BCR: variants seen among roughly 807,000 people sequenced by gnomAD.
BCR encodes BCR activator of RhoGEF and GTPase.
A neutral mutation model predicts 138.6 loss-of-function variants in BCR; 58 were observed. The ratio of observed to expected loss-of-function variants is 0.42; its 90% CI spans 0.34 to 0.52. BCR has a LOEUF of 0.52. Ranked by LOEUF, BCR falls within the 20% of genes least tolerant of loss-of-function variation. The pLI, the probability that BCR is intolerant of heterozygous loss-of-function variation, is 0.06. For synonymous variants in BCR, 786 were observed against 730.1 expected (o/e 1.08, Z -1.23); for missense variants, 1,599 against 1,727.2 (o/e 0.93, Z 1.32).
intron 16 of BCR, chr22:23,307,777 C>T (rs2073965990): frequency 7.0e-6 from 1 of 143,816 alleles, no homozygotes; most frequent in South Asian, 2.1e-4. Context: ...GAGAAGGGGT[C>T]AACCCCCAGG....
chr22:23,314,401 T>C, intron 21 of BCR, 151 bp from the exon 22 acceptor site: 2 of 950,508 alleles, frequency 2.1e-6, no homozygotes, highest in Non-Finnish European at 3.3e-6. Context: ...CCTGGGCCAC[T>C]GAGACCCAGA....
chr22:23,307,204 C>T lies in BCR; in HGVS notation c.3013-2220C>T, dbSNP rs143426101. Reference sequence around the variant, plus strand: ...TCCACCTTCTAGCCTCAAGTGTTGCCCCCACCTCAGCCTCCCGAGCAGTTG... The same window carrying T: ...TCCACCTTCTAGCCTCAAGTGTTGCTCCCACCTCAGCCTCCCGAGCAGTTG... On this transcript the variant is annotated intron_variant, in intron 16 of 22. Transcript: ENST00000305877. Among the ~76,000 whole-genome samples the T allele has an allele frequency of 5.4e-3, 822 of 152,262 alleles. 7 individuals are homozygous for T. The highest frequency in any genetic ancestry group is 0.019 in the African/African-American group (782 of 41,532).
chr22:23,184,347 T>A (rs2072311238), intron 1 of BCR, among the ~76,000 whole-genome samples: 1 of 152,150 alleles, frequency 6.6e-6, no homozygotes, highest in South Asian at 2.1e-4. Flanking sequence ...AGCTTCAGCC[T>A]CCTGAGTAGC....
chr22:23,198,584 G>C (rs765041702), intron 1 of BCR, among the ~76,000 whole-genome samples: 2 of 152,156 alleles, frequency 1.3e-5, no homozygotes, highest in Non-Finnish European at 2.9e-5. Context: ...TGGCTGTGGC[G>C]GCTGTTCCCT....
chr22:23,223,890 C>T (rs926463832), intron 1 of BCR, among the ~76,000 whole-genome samples: 3 of 152,184 alleles, frequency 2.0e-5, no homozygotes, highest in South Asian at 2.1e-4. Flanking sequence ...TGATTCCTGG[C>T]CAAAGCCCTG....
intron 17 of BCR, chr22:23,310,071 G>C (rs2073990778): frequency 2.0e-6 from 1 of 489,550 alleles, no homozygotes; most frequent in Admixed American, 3.3e-5. Context: ...CTAAAAAAAA[G>C]CAAGCAAGCA....
At chr22:23,262,066 T>C (rs1213743143) in intron 4 of BCR, 1 of 152,684 alleles carries the variant, frequency 6.5e-6, no homozygotes, top group Non-Finnish European at 1.5e-5. Flanking sequence ...ACACCCTGTG[T>C]GTGGCTGGGA....
rs58577462 is a variant in BCR, at chr22:23,202,721, T to TTGTGTGTGTGTGTGTGTGTG, written c.1279+20490_1279+20509dup. On this transcript the variant is annotated intron_variant, in intron 1 of 22. Coordinates refer to ENST00000305877, the MANE Select transcript of BCR (RefSeq NM_004327.4). Reference sequence around the variant, plus strand: ...TAAGCTTGAGTAATAATTCAATTGTTTGTGTGTGTGTGTGTGTGTGTGTGT... The same window carrying TTGTGTGTGTGTGTGTGTGTG: ...TAAGCTTGAGTAATAATTCAATTGTTTGTGTGTGTGTGTGTGTGTGTGTGTGTGTGTGTGTGTGTGTGTGT... Among the ~76,000 whole-genome samples the TTGTGTGTGTGTGTGTGTGTG allele has an allele frequency of 4.9e-5, 7 of 142,864 alleles. No individual in the cohort carries two copies. The East Asian group carries it at 1.1e-3, about 22-fold the overall frequency. 93.7% of individuals were successfully genotyped at this position (142,864 alleles called of 152,430 possible).
At chr22:23,226,969 G>A (rs2072901761) in intron 1 of BCR, among the ~76,000 whole-genome samples, 1 of 152,202 alleles carries the variant, frequency 6.6e-6, no homozygotes, top group Admixed American at 6.5e-5. Context: ...CCAGGATCGA[G>A]CATTTGCCAT....
chr22:23,212,209 G>A (rs1222909849), intron 1 of BCR, among the ~76,000 whole-genome samples: 1 of 152,160 alleles, frequency 6.6e-6, no homozygotes, highest in Non-Finnish European at 1.5e-5. Context: ...AGAAGCCATC[G>A]AGCCACATGG....
At chr22:23,232,293 C>T (rs1051909103) in intron 1 of BCR, among the ~76,000 whole-genome samples, 4 of 152,366 alleles carry the variant, frequency 2.6e-5, no homozygotes, top group South Asian at 2.1e-4. Flanking sequence ...CAGCCGAATC[C>T]ACTTTTTATT....
chr22:23,185,946 G>T (rs1019517171), intron 1 of BCR, among the ~76,000 whole-genome samples: 2 of 152,092 alleles, frequency 1.3e-5, no homozygotes, highest in African/African-American at 4.8e-5. Context: ...AGCCAGTATG[G>T]CCTCGATCTT....
At chr22:23,205,407 G>C (rs9624056) in intron 1 of BCR, among the ~76,000 whole-genome samples, 19,095 of 152,174 alleles carry the variant, frequency 0.13, 1,318 homozygotes, top group East Asian at 0.25. Context: ...CGGATCTGCC[G>C]GTGTTCCCTC....
chr22:23,185,719 C>G (rs73152620), intron 1 of BCR, among the ~76,000 whole-genome samples: 33,839 of 147,750 alleles, frequency 0.23, 4,236 homozygotes, highest in East Asian at 0.35. Context: ...GTGGTTCTCT[C>G]TGTTTTTTTT....
chr22:23,289,752 C>G (rs1241244601), intron 13 of BCR, 131 bp downstream of exon 13: 2 of 780,258 alleles, frequency 2.6e-6, no homozygotes, highest in Non-Finnish European at 4.3e-6. Flanking sequence ...AAGAGCTATG[C>G]TTGTTAGGGC....
Position 23,181,219 on chromosome 22 carries a change from G to T in BCR, c.259G>T (p.Ala87Ser), listed in dbSNP as rs2072250489. The change falls in exon 1 of 23, where the codon GCC (alanine) becomes TCC (serine). Residue 87 changes from alanine (A) to serine (S), a missense_variant. Coordinates refer to ENST00000305877, the MANE Select transcript of BCR (RefSeq NM_004327.4). ...GCGCGCGGCGCAGGCCCCCGACGGC[G>T]CCTCCGAGCCCCGAGCGTCCGCGTC... is the stretch of plus-strand genomic sequence containing the variant. ...FRRAAQAPDG[A>S]SEPRASASRP... 8.0e-7 allele frequency: 1 copy of T among 1,250,892 alleles called. No individual in the cohort carries two copies. Among genetic ancestry groups the T allele is most frequent in the Non-Finnish European group, 1.0e-6 (1 of 984,644 alleles). The allele number at this position is 1,250,892 out of a possible 1,614,324, so 77.5% of individuals were successfully genotyped here.
At chr22:23,230,975 A>C (rs2072951661) in intron 1 of BCR, among the ~76,000 whole-genome samples, 1 of 150,178 alleles carries the variant, frequency 6.7e-6, no homozygotes, top group African/African-American at 2.5e-5. Flanking sequence ...ACGGGGCCCG[A>C]CTCACCCTCA....
chr22:23,185,374 T>G (rs1481062792), intron 1 of BCR, among the ~76,000 whole-genome samples: 1 of 152,072 alleles, frequency 6.6e-6, no homozygotes, highest in Non-Finnish European at 1.5e-5. Flanking sequence ...TGTAAAACTA[T>G]GCAGAACCCG....
At chr22:23,198,006 G>A (rs1306173047) in intron 1 of BCR, among the ~76,000 whole-genome samples, 4 of 152,182 alleles carry the variant, frequency 2.6e-5, no homozygotes, top group Non-Finnish European at 2.9e-5. Context: ...TGCGGAGGGT[G>A]TGTGGAGTGG....
Sources: gnomAD v4.1 joint callset for allele counts (sites outside exome capture counted in the v4.1 genomes callset) on GRCh38, gnomAD v4.1.1 for gene constraint, MANE v1.5 for transcripts, NCBI Gene and HGNC (gene_info 2026-07-23, HGNC 2026-07-21) for gene names.